The following MAML3 variants were observed in gnomAD, a reference collection of about 807,000 sequenced individuals.
MAML3 encodes the protein mastermind-like protein 3.
MAML3 carries 27 observed loss-of-function variants against 101.9 expected under a neutral mutation model. That is an observed-to-expected ratio of 0.27 (90% confidence interval 0.20 to 0.37). The LOEUF (loss-of-function observed/expected upper bound fraction) is 0.37. Ranked by LOEUF, MAML3 falls within the 10% of genes least tolerant of loss-of-function variation. The pLI, the probability that MAML3 is intolerant of heterozygous loss-of-function variation, is 1.00. For missense variants in MAML3, 1,316 were observed against 1,444.9 expected, an observed-to-expected ratio of 0.91 and a Z score of 1.45; for synonymous variants, 501 against 555.9, an observed-to-expected ratio of 0.90 and a Z score of 1.39.
At chr4:139,980,771 T>C (rs1734430204) in intron 1 of MAML3, among the ~76,000 whole-genome samples, 1 of 152,166 alleles carries the variant, frequency 6.6e-6, no homozygotes, top group Non-Finnish European at 1.5e-5. Context: ...GAGCTCGTAT[T>C]CTGCTGCAGG....
At chr4:139,885,699 G>A (rs1331757885) in intron 2 of MAML3, among the ~76,000 whole-genome samples, 3 of 150,386 alleles carry the variant, frequency 2.0e-5, no homozygotes, top group Admixed American at 6.6e-5. Flanking sequence ...TGAGGCGGGC[G>A]GATCACGAGG....
intron 2 of MAML3, among the ~76,000 whole-genome samples, chr4:139,742,361 C>A (rs1729198323): frequency 6.6e-6 from 1 of 152,162 alleles, no homozygotes; most frequent in African/African-American, 2.4e-5. Flanking sequence ...GTTGGCCAGG[C>A]TGGTCTCAAA....
intron 2 of MAML3, among the ~76,000 whole-genome samples, chr4:139,769,685 G>A (rs995019303): frequency 3.3e-5 from 5 of 151,370 alleles, no homozygotes; most frequent in Non-Finnish European, 7.4e-5. Flanking sequence ...GTGTGATCTT[G>A]GCTCACCACA....
intron 1 of MAML3, among the ~76,000 whole-genome samples, chr4:139,963,113 T>C (rs1319283244): frequency 6.6e-6 from 1 of 152,172 alleles, no homozygotes; most frequent in Non-Finnish European, 1.5e-5. Context: ...GAGGCAGGGT[T>C]TCTCAAACTT....
At chr4:139,848,017 C>G (rs905867668) in intron 2 of MAML3, among the ~76,000 whole-genome samples, 5 of 151,958 alleles carry the variant, frequency 3.3e-5, no homozygotes, top group African/African-American at 1.2e-4. Context: ...TAGGAAATTA[C>G]ATATTGTAAG....
chr4:139,752,094 G>A (rs1463522413), intron 2 of MAML3, among the ~76,000 whole-genome samples: 1 of 152,118 alleles, frequency 6.6e-6, no homozygotes, highest in African/African-American at 2.4e-5. Flanking sequence ...TTTCCTTGCA[G>A]GTAGATACTT....
chr4:139,748,394 G>C (rs1053231169), intron 2 of MAML3, among the ~76,000 whole-genome samples: 3 of 152,260 alleles, frequency 2.0e-5, no homozygotes, highest in Middle Eastern at 3.4e-3. Context: ...CCAGGAGGAG[G>C]GTCTAGAAAT....
intron 1 of MAML3, among the ~76,000 whole-genome samples, chr4:140,043,771 T>C (rs1420492873): frequency 2.0e-5 from 3 of 152,180 alleles, no homozygotes; most frequent in Admixed American, 1.3e-4. Flanking sequence ...AAATAGTCTA[T>C]TGTGACAGAA....
At chr4:139,721,132 A>G (rs1431640526) in intron 4 of MAML3, among the ~76,000 whole-genome samples, 2 of 152,334 alleles carry the variant, frequency 1.3e-5, no homozygotes, top group East Asian at 3.9e-4. Context: ...CATTCCTTCA[A>G]ATCGGCAACG....
chr4:140,022,189 C>A (rs1247410383), intron 1 of MAML3, among the ~76,000 whole-genome samples: 1 of 152,118 alleles, frequency 6.6e-6, no homozygotes, highest in Admixed American at 6.5e-5. Flanking sequence ...TGTGTGAAAC[C>A]AAATTGCTTC....
chr4:140,058,070 A>G (rs1365455650), intron 1 of MAML3, among the ~76,000 whole-genome samples: 1 of 152,196 alleles, frequency 6.6e-6, no homozygotes, highest in African/African-American at 2.4e-5. Context: ...GCTTTTTTAA[A>G]AAAAATGGAA....
At position 139,720,015 on chromosome 4, in the gene MAML3, C is replaced by A. The variant is rs778884987; in HGVS notation, c.2725G>T (p.Val909Phe). 28 of 1,613,982 alleles carry A rather than the reference C, an allele frequency of 1.7e-5. No homozygotes were observed. Among genetic ancestry groups the A allele is most frequent in the East Asian group, 2.2e-5 (1 of 44,898 alleles). ...GPRQPASGQG[V>F]GMVSGFGQSM... Reference sequence around the variant, plus strand: ...TGACCAAAGCCACTCACCATTCCAACCCCCTGCCCAGAGGCAGGTTGCCTC... The same window carrying A: ...TGACCAAAGCCACTCACCATTCCAAACCCCTGCCCAGAGGCAGGTTGCCTC... The change falls in exon 5 of 5, where the codon GTT becomes TTT. Residue 909 changes from valine to phenylalanine, a missense_variant. By Grantham distance (50) the Val-to-Phe change is conservative. Coordinates refer to ENST00000509479, the MANE Select transcript of MAML3 (RefSeq NM_018717.5).
chr4:139,872,003 G>C (rs1732017334), intron 2 of MAML3, among the ~76,000 whole-genome samples: 1 of 152,130 alleles, frequency 6.6e-6, no homozygotes, highest in African/African-American at 2.4e-5. Context: ...GGTGAAACGT[G>C]TTTACAATAC....
chr4:140,125,649 G>T (rs1489609574), intron 1 of MAML3, among the ~76,000 whole-genome samples: 2 of 152,040 alleles, frequency 1.3e-5, no homozygotes, highest in Non-Finnish European at 2.9e-5. Context: ...AGAGAGACAG[G>T]GTCTCTCTAT....
Position 140,055,473 on chromosome 4 carries a change from G to A in MAML3, c.468+97387C>T, listed in dbSNP as rs138147987. Among the ~76,000 whole-genome samples the A allele has an allele frequency of 3.3e-5, 5 of 152,154 alleles. No homozygotes were observed. In the East Asian group the frequency reaches 9.6e-4, roughly 29 times the overall value. On this transcript the variant is annotated intron_variant, in intron 1 of 4. Coordinates refer to ENST00000509479, the MANE Select transcript of MAML3 (RefSeq NM_018717.5). The stretch of plus-strand genomic sequence containing the variant: ...GCTTATTCTTTTCACTATATTACTG[G>A]GTTGCTGTCACTAATCAGCTGCCTG...
intron 1 of MAML3, among the ~76,000 whole-genome samples, chr4:140,091,549 A>AAC (rs1728051947): frequency 7.0e-6 from 1 of 143,246 alleles, no homozygotes; most frequent in Admixed American, 6.9e-5. Flanking sequence ...AAAACAAAAC[A>AAC]AAAAAAAAAA....
intron 1 of MAML3, among the ~76,000 whole-genome samples, chr4:140,023,657 C>T (rs1726773271): frequency 6.6e-6 from 1 of 152,168 alleles, no homozygotes. Flanking sequence ...TGTGCTTTTT[C>T]ATTTAAATAT....
intron 2 of MAML3, among the ~76,000 whole-genome samples, chr4:139,841,507 C>A (rs1018376783): frequency 2.6e-5 from 4 of 152,362 alleles, no homozygotes; most frequent in Middle Eastern, 3.4e-3. Flanking sequence ...GAGAATCCCA[C>A]CAGATGCTGC....
intron 1 of MAML3, among the ~76,000 whole-genome samples, chr4:140,102,717 G>A (rs1248383547): frequency 6.6e-6 from 1 of 151,966 alleles, no homozygotes; most frequent in Non-Finnish European, 1.5e-5. Flanking sequence ...CACCAAGCCA[G>A]TCAGTGCAGA....
Sources: gnomAD v4.1 joint callset for allele counts (sites outside exome capture counted in the v4.1 genomes callset) on GRCh38, gnomAD v4.1.1 for gene constraint, MANE v1.5 for transcripts, NCBI Gene and HGNC (gene_info 2026-07-23, HGNC 2026-07-21) for gene names.